POLR1C: variants seen among roughly 807,000 people sequenced by gnomAD.
POLR1C encodes the protein DNA-directed RNA polymerases I and III subunit RPAC1.
POLR1C carries 42 observed loss-of-function variants against 38.3 expected under a neutral mutation model. The ratio of observed to expected loss-of-function variants is 1.10; its 90% CI spans 0.86 to 1.42. The LOEUF is 1.42. Ranked by LOEUF, POLR1C falls within the 40% of genes most tolerant of loss-of-function variation. The pLI is 0.00. For missense variants in POLR1C, 507 were observed against 450.5 expected (o/e 1.13, Z -1.14); for synonymous variants, 163 against 163.9 (o/e 0.99, Z 0.04).
chr6:43,542,316 T>C (rs1474372684), intron 9 of POLR1C, among the ~76,000 whole-genome samples: 1 of 152,212 alleles, frequency 6.6e-6, no homozygotes, highest in East Asian at 1.9e-4. Flanking sequence ...CAACACCTTC[T>C]ATTATCAGAT....
intron 2 of POLR1C, chr6:43,519,077 T>A (rs1761611397): frequency 1.9e-6 from 1 of 529,826 alleles, no homozygotes; most frequent in Admixed American, 3.1e-5. Context: ...TTTCTGTTCT[T>A]CAGTAGAATA....
chr6:43,524,093 G>A (rs1793377581), downstream of POLR1C: 2 of 1,522,356 alleles, frequency 1.3e-6, no homozygotes, highest in Non-Finnish European at 1.8e-6. Flanking sequence ...GCTCGCGCCT[G>A]TAATCCCAAC....
At chr6:43,557,831 G>A (rs945408732) in intron 10 of POLR1C, among the ~76,000 whole-genome samples, 17 of 143,752 alleles carry the variant, frequency 1.2e-4, no homozygotes, top group African/African-American at 3.8e-4. Flanking sequence ...GCGGTGGTTC[G>A]CACCTGTAAA....
Position 43,519,737 on chromosome 6 carries a change from T to G in POLR1C, c.281T>G (p.Val94Gly). Residue 94 changes from valine (V) to glycine (G), a missense_variant, in exon 4 of 9, where the codon GTG (valine) becomes GGG (glycine). Transcript: ENST00000642195. Reference sequence around the variant, plus strand: ...ACTATGGCTGTGGAGAAGGTCCTGGTGTACAATAATACATCCATTGTTCAG... The same window carrying G: ...ACTATGGCTGTGGAGAAGGTCCTGGGGTACAATAATACATCCATTGTTCAG... ...VPTMAVEKVLVYNNTSIVQDE... is the reference protein window; with the variant it reads ...VPTMAVEKVLGYNNTSIVQDE... 6.2e-7 allele frequency: 1 copy of G among 1,614,188 alleles called. No homozygotes were observed. The highest frequency in any genetic ancestry group is 8.5e-7 in the Non-Finnish European group (1 of 1,180,026).
At chr6:43,518,961 TGA>T (rs1432896017) in intron 2 of POLR1C, among the ~76,000 whole-genome samples, 6 of 152,128 alleles carry the variant, frequency 3.9e-5, no homozygotes, top group Admixed American at 3.3e-4. Context: ...ATTACAGGTG[TGA>T]GTGACTGTGC....
Position 43,517,351 on chromosome 6 carries a change from G to A in POLR1C, c.115G>A (p.Ala39Thr), listed in dbSNP as rs1232254622. 13 of 1,614,094 alleles carry A rather than the reference G, an allele frequency of 8.1e-6. No individual in the cohort carries two copies. Among genetic ancestry groups the A allele is most frequent in the Non-Finnish European group, 1.0e-5 (12 of 1,180,024 alleles). Residue 39 changes from alanine to threonine, a missense_variant, in exon 2 of 9, where the codon GCC becomes ACC. By Grantham distance (58) the Ala-to-Thr change is moderately conservative. Transcript: ENST00000642195. Reference protein sequence around the residue: ...FPGNYSGYDDAWDQDRFEKNF... With the variant: ...FPGNYSGYDDTWDQDRFEKNF... ...CGGTAACTATTCCGGTTATGATGAT[G>A]CCTGGGACCAGGACCGCTTCGAGAA...
chr6:43,529,203 C>A, intron 8 of POLR1C: 1 of 1,431,860 alleles, frequency 7.0e-7, no homozygotes, highest in Non-Finnish European at 9.4e-7. Context: ...GGAAGGAGGA[C>A]ATCCTTGTAA....
At chr6:43,558,377 TAA>T in intron 10 of POLR1C, 3 of 818,918 alleles carry the variant, frequency 3.7e-6, no homozygotes. Context: ...TAGGGCCTAA[TAA>T]GTAGGCTGCT....
chr6:43,530,747 A>C, downstream of POLR1C: 1 of 1,614,012 alleles, frequency 6.2e-7, no homozygotes, highest in East Asian at 2.2e-5. Flanking sequence ...GGCTGAGCTG[A>C]GAAGCTGGGT....
chr6:43,520,314 A>G lies in POLR1C; in HGVS notation c.542A>G (p.Gln181Arg). 2 of 1,613,268 alleles carry G rather than the reference A, an allele frequency of 1.2e-6. No individual in the cohort carries two copies. Among genetic ancestry groups the G allele is most frequent in the Non-Finnish European group, 1.7e-6 (2 of 1,180,042 alleles). The part of the protein sequence containing the change: ...RHMTWIPLGN[Q>R]ADLFPEGTIR... ...ATGACATGGATCCCCCTGGGGAACCAGGCTGATCTCTTTCCAGAGGGCACT... is the reference window on the plus strand; with the variant it reads ...ATGACATGGATCCCCCTGGGGAACCGGGCTGATCTCTTTCCAGAGGGCACT... The change falls in exon 6 of 9, where the codon CAG (glutamine) becomes CGG (arginine). Residue 181 changes from glutamine to arginine, a missense_variant. Coordinates refer to ENST00000642195, the MANE Select transcript of POLR1C (RefSeq NM_203290.4).
chr6:43,552,254 C>T (rs527301192), intron 10 of POLR1C, among the ~76,000 whole-genome samples: 36 of 152,012 alleles, frequency 2.4e-4, no homozygotes, highest in East Asian at 3.9e-4. Context: ...GACAGGGTTT[C>T]GCCATGTTGA....
chr6:43,519,309 A>C, intron 2 of POLR1C, 24 bp from the exon 3 acceptor site: 1 of 1,403,394 alleles, frequency 7.1e-7, no homozygotes, highest in Non-Finnish European at 1.0e-6. Context: ...GATTTCACTT[A>C]AATGTTTTTT....
chr6:43,526,852 G>A (rs900770999), intron 8 of POLR1C: 107 of 1,166,818 alleles, frequency 9.2e-5, no homozygotes, highest in Middle Eastern at 2.5e-4. Context: ...GGTGAGGAAG[G>A]AGGAAGATGG....
chr6:43,546,540 A>G (rs773318632), intron 9 of POLR1C: 3 of 1,577,170 alleles, frequency 1.9e-6, no homozygotes, highest in Non-Finnish European at 2.6e-6. Context: ...AAAGTAGAAA[A>G]CAACAGAGAA....
downstream of POLR1C, chr6:43,522,666 C>T (rs1292048610): frequency 4.2e-6 from 2 of 472,308 alleles, no homozygotes; most frequent in East Asian, 6.3e-5. Flanking sequence ...TGGCCCGCAC[C>T]AGCTAAAAAC....
chr6:43,541,041 A>G (rs1794664630), intron 9 of POLR1C, among the ~76,000 whole-genome samples: 1 of 152,232 alleles, frequency 6.6e-6, no homozygotes. Context: ...TGTGGAATCT[A>G]AAAATTTAAA....
intron 9 of POLR1C, among the ~76,000 whole-genome samples, chr6:43,549,242 T>A (rs1229148914): frequency 6.6e-6 from 1 of 152,008 alleles, no homozygotes; most frequent in African/African-American, 2.4e-5. Context: ...TTTTGTACTT[T>A]TAGTAGAGAC....
chr6:43,543,182 T>C (rs986524813), intron 9 of POLR1C, among the ~76,000 whole-genome samples: 2 of 152,172 alleles, frequency 1.3e-5, no homozygotes, highest in Non-Finnish European at 2.9e-5. Context: ...GTCAGAATAG[T>C]GGGCTGGGTG....
intron 10 of POLR1C, among the ~76,000 whole-genome samples, chr6:43,556,632 G>A (rs1762102590): frequency 6.6e-6 from 1 of 151,916 alleles, no homozygotes; most frequent in Non-Finnish European, 1.5e-5. Context: ...TATTAAACTT[G>A]CAATTGCCAT....
Sources: allele counts gnomAD v4.1 joint callset (sites outside exome capture counted in the v4.1 genomes callset), GRCh38; gene constraint gnomAD v4.1.1; transcripts MANE v1.5; gene names NCBI Gene and HGNC (gene_info 2026-07-23, HGNC 2026-07-21).